Variants in KLF12 observed in about 807,000 individuals in gnomAD.
KLF12 encodes the protein Krueppel-like factor 12.
KLF12 carries 9 observed loss-of-function variants against 37.8 expected under a neutral mutation model. That is an observed-to-expected ratio of 0.24 (90% CI 0.14 to 0.42). The LOEUF (loss-of-function observed/expected upper bound fraction) is 0.42, where lower values mean the gene tolerates loss of function less well. KLF12 is among the 10% of genes least tolerant of loss of function. KLF12 has a pLI of 1.00. For synonymous variants in KLF12, 208 were observed against 202.1 expected, an observed-to-expected ratio of 1.03 and a Z score of -0.25; for missense variants, 411 against 516.0, an observed-to-expected ratio of 0.80 and a Z score of 1.97.
the KLF12 span, among the ~76,000 whole-genome samples, chr13:74,220,083 T>G: frequency 1.3e-5 from 2 of 152,208 alleles, no homozygotes; most frequent in Non-Finnish European, 2.9e-5. Context: ...CATGATTTTT[T>G]CTTCTGTATT....
At chr13:73,731,302 A>G (rs1846780681) in intron 6 of KLF12, among the ~76,000 whole-genome samples, 1 of 152,170 alleles carries the variant, frequency 6.6e-6, no homozygotes, top group Admixed American at 6.5e-5. Flanking sequence ...AAATTAATCT[A>G]TATGTAAACA....
intron 1 of KLF12, among the ~76,000 whole-genome samples, chr13:74,059,040 T>C (rs565050380): frequency 6.6e-6 from 1 of 152,368 alleles, no homozygotes; most frequent in South Asian, 2.1e-4. Flanking sequence ...ACATGCAGTA[T>C]TTTATTTTCT....
intron 3 of KLF12, among the ~76,000 whole-genome samples, chr13:73,918,065 T>C (rs527470208): frequency 6.7e-6 from 1 of 149,290 alleles, no homozygotes; most frequent in African/African-American, 2.5e-5. Context: ...CAAACAAATA[T>C]ATACACCAAC....
chr13:74,094,523 A>G (rs1326658045), intron 1 of KLF12, among the ~76,000 whole-genome samples: 3 of 152,114 alleles, frequency 2.0e-5, no homozygotes, highest in African/African-American at 4.8e-5. Context: ...AGGAATCTCT[A>G]GGATCAATCA....
intron 1 of KLF12, among the ~76,000 whole-genome samples, chr13:74,073,313 A>T (rs111803412): frequency 3.0e-4 from 46 of 152,112 alleles, no homozygotes; most frequent in Middle Eastern, 3.2e-3. Context: ...AAGATTTTTT[A>T]AAAAATCAGT....
At chr13:73,746,215 C>A (rs1878361674) in intron 6 of KLF12, among the ~76,000 whole-genome samples, 1 of 152,080 alleles carries the variant, frequency 6.6e-6, no homozygotes, top group Non-Finnish European at 1.5e-5. Context: ...AGAGGTAAAG[C>A]AATAGATATC....
intron 1 of KLF12, among the ~76,000 whole-genome samples, chr13:74,011,994 C>A (rs1183776540): frequency 1.3e-5 from 2 of 152,094 alleles, no homozygotes; most frequent in Non-Finnish European, 2.9e-5. Flanking sequence ...GTATGACACA[C>A]TGGGAATTTT....
intron 4 of KLF12, among the ~76,000 whole-genome samples, chr13:73,840,130 A>G (rs1884662054): frequency 6.6e-6 from 1 of 152,096 alleles, no homozygotes; most frequent in South Asian, 2.1e-4. Context: ...CAAATGCACA[A>G]TTCTCGGTCC....
chr13:73,695,262 AT>A lies in KLF12; in HGVS notation c.*227del, dbSNP rs772220971. On this transcript the variant is annotated 3_prime_UTR_variant, in exon 8 of 8. Transcript: ENST00000377669. Reference sequence around the variant, plus strand: ...GGAAAACAATGCCTGTCTCTTCAGCATTTATGTCACTGAGCTCCCAGGCCCG... The same window carrying A: ...GGAAAACAATGCCTGTCTCTTCAGCATTATGTCACTGAGCTCCCAGGCCCG... 1.5e-5 allele frequency: 8 copies of A among 519,848 alleles called. No homozygotes were observed. Among genetic ancestry groups the A allele is most frequent in the Non-Finnish European group, 2.7e-5 (8 of 291,138 alleles). The allele number at this position is 519,848 out of a possible 1,614,324, so 32.2% of individuals were successfully genotyped here. A position where few individuals can be genotyped will look rare whatever the true frequency, so the allele number is the denominator to read the frequency against.
chr13:74,304,935 C>A, the KLF12 span, among the ~76,000 whole-genome samples: 1 of 152,086 alleles, frequency 6.6e-6, no homozygotes, highest in Non-Finnish European at 1.5e-5. Context: ...GAGGATAATT[C>A]TTCCACACGC....
At chr13:74,131,893 A>C (rs1414065893) in intron 1 of KLF12, among the ~76,000 whole-genome samples, 1 of 152,146 alleles carries the variant, frequency 6.6e-6, no homozygotes, top group African/African-American at 2.4e-5. Flanking sequence ...CCCAACTCAA[A>C]GGAGCTTAAT....
intron 1 of KLF12, among the ~76,000 whole-genome samples, chr13:74,065,197 TTC>T (rs1792815172): frequency 9.6e-6 from 1 of 103,682 alleles, no homozygotes; most frequent in South Asian, 3.3e-4. Context: ...CTGTATCTGA[TTC>T]TTACACACAC....
intron 3 of KLF12, among the ~76,000 whole-genome samples, chr13:73,906,681 G>T (rs549665190): frequency 6.6e-6 from 1 of 152,130 alleles, no homozygotes; most frequent in East Asian, 1.9e-4. Context: ...TCATTGCTTT[G>T]CCTAATTCTC....
chr13:74,110,181 A>G (rs1876893920), intron 1 of KLF12, among the ~76,000 whole-genome samples: 1 of 152,196 alleles, frequency 6.6e-6, no homozygotes, highest in African/African-American at 2.4e-5. Flanking sequence ...TAAATTGGCC[A>G]GAGTGGACCT....
chr13:74,183,764 C>T, the KLF12 span, among the ~76,000 whole-genome samples: 9 of 151,978 alleles, frequency 5.9e-5, no homozygotes, highest in Non-Finnish European at 7.4e-5. Context: ...AGGGAAACCC[C>T]GTCTCTACAA....
chr13:73,971,243 C>A (rs1891328800), intron 2 of KLF12, among the ~76,000 whole-genome samples: 2 of 152,104 alleles, frequency 1.3e-5, no homozygotes, highest in South Asian at 4.1e-4. Flanking sequence ...TAAGCAATTG[C>A]AAACACATTT....
At chr13:74,201,009 A>G in the KLF12 span, among the ~76,000 whole-genome samples, 1 of 152,162 alleles carries the variant, frequency 6.6e-6, no homozygotes. Flanking sequence ...GTATACTTGC[A>G]TAATCTTTTT....
rs117804420 is a variant in KLF12 at position 73,880,382 on chromosome 13, T to C, written c.124-34009A>G. ...GTTAGAAGGGAGTTCAATTAGTTTA[T>C]TGCCTCATAGGACACATCAGCATGG... is the stretch of plus-strand genomic sequence containing the variant. On this transcript the variant is annotated intron_variant, in intron 3 of 7. Coordinates refer to ENST00000377669, the MANE Select transcript of KLF12 (RefSeq NM_007249.5). 5.0e-3 allele frequency among the ~76,000 whole-genome samples: 768 copies of C among 152,334 alleles called. 4 individuals carry two copies. Among genetic ancestry groups the C allele is most frequent in the South Asian group, 0.013 (61 of 4,828 alleles).
chr13:74,131,466 A>T (rs530037500), intron 1 of KLF12, among the ~76,000 whole-genome samples: 1 of 152,238 alleles, frequency 6.6e-6, no homozygotes, highest in Non-Finnish European at 1.5e-5. Flanking sequence ...ACCAGCCAAG[A>T]GTTGCTAAGG....
Sources: gnomAD v4.1 joint callset for allele counts (sites outside exome capture counted in the v4.1 genomes callset) on GRCh38, gnomAD v4.1.1 for gene constraint, MANE v1.5 for transcripts, NCBI Gene and HGNC (gene_info 2026-07-23, HGNC 2026-07-21) for gene names.